CSMD1: variants seen among roughly 807,000 people sequenced by gnomAD.
CSMD1 encodes CUB and Sushi multiple domains 1.
In CSMD1, 213 loss-of-function variants were observed where a neutral mutation model predicts 417.5. That is an observed-to-expected ratio of 0.51 (90% CI 0.46 to 0.57). The LOEUF (loss-of-function observed/expected upper bound fraction) is 0.57, where lower values mean the gene tolerates loss of function less well. Ranked by LOEUF, CSMD1 falls within the 20% of genes least tolerant of loss-of-function variation. CSMD1 has a pLI of 0.00. For missense variants in CSMD1, 6,923 were observed against 4,529.7 expected, an observed-to-expected ratio of 1.53 and a Z score of -15.17; for synonymous variants, 2,862 against 1,736.8, an observed-to-expected ratio of 1.65 and a Z score of -16.11.
At chr8:4,228,594 T>C (rs192890164) in intron 3 of CSMD1, among the ~76,000 whole-genome samples, 1 of 151,502 alleles carries the variant, frequency 6.6e-6, no homozygotes, top group East Asian at 1.9e-4. Context: ...CAGATCTTTT[T>C]TTTTTTTTTT....
intron 3 of CSMD1, among the ~76,000 whole-genome samples, chr8:4,162,303 G>A (rs906666799): frequency 3.3e-5 from 5 of 152,098 alleles, no homozygotes; most frequent in African/African-American, 9.7e-5. Context: ...AGAAAACTCA[G>A]CAAAGTTTAA....
chr8:4,315,402 G>A (rs182534370), intron 3 of CSMD1, among the ~76,000 whole-genome samples: 73 of 152,238 alleles, frequency 4.8e-4, no homozygotes, highest in Admixed American at 7.9e-4. Context: ...CCCAAGCAAG[G>A]GATGAGTGGC....
intron 4 of CSMD1, among the ~76,000 whole-genome samples, chr8:4,001,534 G>A (rs925063674): frequency 6.6e-6 from 1 of 152,158 alleles, no homozygotes; most frequent in Non-Finnish European, 1.5e-5. Flanking sequence ...CTGATCAAAT[G>A]AGCATACCTC....
intron 5 of CSMD1, among the ~76,000 whole-genome samples, chr8:3,892,479 T>A (rs1455207112): frequency 6.6e-6 from 1 of 152,092 alleles, no homozygotes; most frequent in Non-Finnish European, 1.5e-5. Flanking sequence ...AACTAAGTTC[T>A]GCAAGAGGAT....
At chr8:4,023,999 A>G (rs1213658748) in intron 4 of CSMD1, among the ~76,000 whole-genome samples, 5 of 152,038 alleles carry the variant, frequency 3.3e-5, no homozygotes. Flanking sequence ...ATAAAGGCTG[A>G]CATATTTGAC....
chr8:4,908,873 G>T (rs1805479397), intron 1 of CSMD1, among the ~76,000 whole-genome samples: 1 of 152,040 alleles, frequency 6.6e-6, no homozygotes, highest in Non-Finnish European at 1.5e-5. Flanking sequence ...AATCATAATT[G>T]TTCTAAATTC....
rs544737141 is a variant in CSMD1 at position 3,362,036 on chromosome 8, C to T, written c.3116-2696G>A. On this transcript the variant is annotated intron_variant, in intron 20 of 69. Coordinates refer to ENST00000635120, the MANE Select transcript of CSMD1 (RefSeq NM_033225.6). ...CTTCAGAATTCCATCTTCTCACCAA[C>T]GCAAAGATTTTGTTCTTGGAGTTTA... is the stretch of plus-strand genomic sequence containing the variant. 3.3e-5 allele frequency among the ~76,000 whole-genome samples: 5 copies of T among 152,292 alleles called. No individual in the cohort carries two copies. The South Asian group carries it at 6.2e-4, about 19-fold the overall frequency.
At chr8:4,832,170 C>A (rs1204076297) in intron 1 of CSMD1, among the ~76,000 whole-genome samples, 1 of 152,166 alleles carries the variant, frequency 6.6e-6, no homozygotes, top group African/African-American at 2.4e-5. Context: ...TCACGTACAT[C>A]AGCAAACATG....
At chr8:4,402,136 G>C (rs1366589057) in intron 3 of CSMD1, among the ~76,000 whole-genome samples, 4 of 152,112 alleles carry the variant, frequency 2.6e-5, no homozygotes, top group South Asian at 2.1e-4. Flanking sequence ...TCATTAATTA[G>C]TCATATGGTC....
At chr8:3,440,212 C>G (rs1473230201) in intron 12 of CSMD1, among the ~76,000 whole-genome samples, 1 of 116,372 alleles carries the variant, frequency 8.6e-6, no homozygotes, top group Non-Finnish European at 1.9e-5. Flanking sequence ...ATTCTTATAA[C>G]AGGTGCATTA....
intron 3 of CSMD1, among the ~76,000 whole-genome samples, chr8:4,240,879 T>C (rs866442522): frequency 2.0e-5 from 3 of 152,250 alleles, no homozygotes; most frequent in African/African-American, 7.2e-5. Flanking sequence ...AGTTATGTAT[T>C]CATTCAGGCG....
At chr8:3,850,651 C>T (rs1193268763) in intron 5 of CSMD1, among the ~76,000 whole-genome samples, 1 of 152,066 alleles carries the variant, frequency 6.6e-6, no homozygotes, top group East Asian at 1.9e-4. Context: ...GCCAAGATCG[C>T]ACCACTGCAC....
At chr8:3,089,718 C>T (rs1435300877) in intron 48 of CSMD1, among the ~76,000 whole-genome samples, 2 of 150,432 alleles carry the variant, frequency 1.3e-5, no homozygotes, top group Non-Finnish European at 3.0e-5. Context: ...TTTTTATATT[C>T]ACATATGACA....
intron 3 of CSMD1, among the ~76,000 whole-genome samples, chr8:4,358,093 C>T (rs868269403): frequency 1.3e-5 from 2 of 152,144 alleles, no homozygotes; most frequent in Non-Finnish European, 2.9e-5. Flanking sequence ...TGTATACATA[C>T]ATATGCTATG....
intron 5 of CSMD1, among the ~76,000 whole-genome samples, chr8:3,818,472 A>AT (rs1403229452): frequency 6.6e-6 from 1 of 152,198 alleles, no homozygotes; most frequent in Non-Finnish European, 1.5e-5. Flanking sequence ...AGCTCAATGC[A>AT]TGTGCTAAAT....
intron 3 of CSMD1, among the ~76,000 whole-genome samples, chr8:4,368,592 C>T (rs1802227035): frequency 6.6e-6 from 1 of 152,124 alleles, no homozygotes; most frequent in South Asian, 2.1e-4. Flanking sequence ...GCTTTGAATA[C>T]ATTTGGTCCA....
intron 2 of CSMD1, among the ~76,000 whole-genome samples, chr8:4,443,164 G>C (rs73660818): frequency 1.3e-5 from 2 of 152,114 alleles, no homozygotes; most frequent in Non-Finnish European, 2.9e-5. Flanking sequence ...CTTTTAAATG[G>C]TAGAATTCTT....
chr8:3,940,497 CTGTGTG>C (rs34005059), intron 5 of CSMD1, among the ~76,000 whole-genome samples: 2,239 of 145,018 alleles, frequency 0.015, 24 homozygotes, highest in Middle Eastern at 0.052. Context: ...ATTATTTCCT[CTGTGTG>C]TGTGTGTGTG....
At chr8:3,535,409 C>G (rs1040387222) in intron 10 of CSMD1, among the ~76,000 whole-genome samples, 5 of 152,132 alleles carry the variant, frequency 3.3e-5, no homozygotes, top group African/African-American at 1.2e-4. Context: ...CACCTGCAGC[C>G]TGACCTCAAG....
Sources: gnomAD v4.1 joint callset for allele counts (sites outside exome capture counted in the v4.1 genomes callset) on GRCh38, gnomAD v4.1.1 for gene constraint, MANE v1.5 for transcripts, NCBI Gene and HGNC (gene_info 2026-07-23, HGNC 2026-07-21) for gene names.